The following SEMA3A variants were observed in gnomAD, a reference collection of about 807,000 sequenced individuals.
SEMA3A encodes the protein semaphorin-3A.
In SEMA3A, 29 loss-of-function variants were observed where a neutral mutation model predicts 97.9. The ratio of observed to expected loss-of-function variants is 0.30; its 90% CI spans 0.22 to 0.40. The LOEUF (loss-of-function observed/expected upper bound fraction) is 0.40, where lower values mean the gene tolerates loss of function less well. SEMA3A is among the 10% of genes least tolerant of loss of function. The pLI, the probability that SEMA3A is intolerant of heterozygous loss-of-function variation, is 1.00. For synonymous variants in SEMA3A, 321 were observed against 323.7 expected (o/e 0.99, Z 0.09); for missense variants, 763 against 951.3 (o/e 0.80, Z 2.60).
chr7:84,279,773 A>G (rs527397715), intron 3 of SEMA3A, among the ~76,000 whole-genome samples: 1 of 152,338 alleles, frequency 6.6e-6, no homozygotes, highest in South Asian at 2.1e-4. Flanking sequence ...AGTTAGTCAA[A>G]TACCTAATAG....
At chr7:84,099,029 A>C (rs1393979445) in intron 4 of SEMA3A, among the ~76,000 whole-genome samples, 1 of 151,872 alleles carries the variant, frequency 6.6e-6, no homozygotes, top group East Asian at 1.9e-4. Flanking sequence ...GATAAATTGG[A>C]TAGAATAACC....
At chr7:83,995,171 C>T (rs6964605) in intron 12 of SEMA3A, among the ~76,000 whole-genome samples, 6,900 of 152,224 alleles carry the variant, frequency 0.045, 516 homozygotes, top group African/African-American at 0.16. Flanking sequence ...CACCCTGCTT[C>T]GGCTCGCGCA....
chr7:83,970,270 A>G (rs1044777923), intron 15 of SEMA3A, among the ~76,000 whole-genome samples: 6 of 152,200 alleles, frequency 3.9e-5, no homozygotes, highest in African/African-American at 1.4e-4. Context: ...AAATGAAATG[A>G]AGCTAATAAA....
At position 84,164,212 on chromosome 7, in the gene SEMA3A, CT is replaced by C. The variant is rs567905685; in HGVS notation, c.113-29262del. Among the ~76,000 whole-genome samples, 19 of 152,190 alleles carry C rather than the reference CT, an allele frequency of 1.2e-4. No homozygotes were observed. In the South Asian group the frequency reaches 3.7e-3, roughly 30 times the overall value. ...AAGGTAAATAATTATTTTTAAAATA[CT>C]TGAATAAATCTTGGGAACCATTTTC... On this transcript the variant is annotated intron_variant, in intron 1 of 16. Transcript: ENST00000265362.
chr7:84,367,426 T>C lies in SEMA3A; in HGVS notation c.-169+4398A>G, dbSNP rs557548580. 2.6e-5 allele frequency among the ~76,000 whole-genome samples: 4 copies of C among 151,356 alleles called. No individual in the cohort carries two copies. In the East Asian group the frequency reaches 7.8e-4, roughly 29 times the overall value. On this transcript the variant is annotated intron_variant, in intron 2 of 3. Transcript: ENST00000424555. The stretch of plus-strand genomic sequence containing the variant: ...ATCCTAAATATATTTAAAGAGCTAA[T>C]GTATGTGCATAATTAAAATACCGCT...
chr7:84,075,178 T>C (rs903425618), intron 4 of SEMA3A, among the ~76,000 whole-genome samples: 2 of 126,898 alleles, frequency 1.6e-5, no homozygotes, highest in Non-Finnish European at 3.4e-5. Context: ...GACTTCAACT[T>C]TTTTTTTTTT....
At chr7:84,259,462 T>G (rs2115652589) in intron 3 of SEMA3A, among the ~76,000 whole-genome samples, 1 of 152,178 alleles carries the variant, frequency 6.6e-6, no homozygotes, top group African/African-American at 2.4e-5. Flanking sequence ...ATACATATAT[T>G]TGTCCATGAG....
intron 1 of SEMA3A, among the ~76,000 whole-genome samples, chr7:84,413,679 T>C (rs1804344180): frequency 6.6e-6 from 1 of 151,898 alleles, no homozygotes; most frequent in Admixed American, 6.6e-5. Context: ...TTAGTAGTAG[T>C]AGTAGAAGTA....
At chr7:84,375,979 A>G (rs1176734780) in intron 1 of SEMA3A, among the ~76,000 whole-genome samples, 1 of 152,130 alleles carries the variant, frequency 6.6e-6, no homozygotes, top group African/African-American at 2.4e-5. Flanking sequence ...CACTTAACAT[A>G]AGGACCTCCA....
At chr7:84,020,540 A>C (rs1791290413) in intron 6 of SEMA3A, among the ~76,000 whole-genome samples, 1 of 152,054 alleles carries the variant, frequency 6.6e-6, no homozygotes, top group African/African-American at 2.4e-5. Context: ...TTTATAAGAA[A>C]TATCTTAAGT....
At chr7:84,325,339 A>C (rs1398046595) in intron 2 of SEMA3A, among the ~76,000 whole-genome samples, 2 of 152,114 alleles carry the variant, frequency 1.3e-5, no homozygotes, top group Admixed American at 6.6e-5. Flanking sequence ...ATACTACCGA[A>C]GTGAGGCAAA....
intron 6 of SEMA3A, among the ~76,000 whole-genome samples, chr7:84,029,519 T>C (rs1791662202): frequency 6.6e-6 from 1 of 152,210 alleles, no homozygotes; most frequent in Non-Finnish European, 1.5e-5. Flanking sequence ...TATTTGGTTA[T>C]TTATTCCTTC....
intron 1 of SEMA3A, among the ~76,000 whole-genome samples, chr7:84,404,472 A>C (rs1804010289): frequency 6.6e-6 from 1 of 152,236 alleles, no homozygotes; most frequent in Non-Finnish European, 1.5e-5. Context: ...AACACTCTGC[A>C]GGATATTATC....
intron 4 of SEMA3A, among the ~76,000 whole-genome samples, chr7:84,082,866 G>C (rs1211145676): frequency 1.3e-5 from 2 of 151,980 alleles, no homozygotes; most frequent in South Asian, 2.1e-4. Flanking sequence ...ACCTAAAAAT[G>C]CACATATTCA....
At chr7:84,249,580 T>C (rs1288696899) in intron 3 of SEMA3A, among the ~76,000 whole-genome samples, 1 of 151,698 alleles carries the variant, frequency 6.6e-6, no homozygotes, top group Non-Finnish European at 1.5e-5. Flanking sequence ...TTGTTTATAG[T>C]GCTAAAAATG....
intron 3 of SEMA3A, among the ~76,000 whole-genome samples, chr7:84,266,313 C>CAAAAAAAAAAAAA (rs57809084): frequency 1.4e-5 from 1 of 70,482 alleles, no homozygotes; most frequent in Non-Finnish European, 2.5e-5. Flanking sequence ...GATTTGGTCT[C>CAAAAAAAAAAAAA]AAAAAAAAAA....
chr7:84,023,095 G>A (rs985759575), intron 6 of SEMA3A, among the ~76,000 whole-genome samples: 1 of 152,168 alleles, frequency 6.6e-6, no homozygotes, highest in Admixed American at 6.5e-5. Context: ...CCTGCCACTT[G>A]TAACAGTACC....
intron 4 of SEMA3A, among the ~76,000 whole-genome samples, chr7:84,107,560 A>G (rs1383949388): frequency 2.0e-5 from 3 of 152,156 alleles, no homozygotes; most frequent in African/African-American, 7.2e-5. Context: ...GTCTCAGGAA[A>G]ATACTTGCAT....
intron 3 of SEMA3A, among the ~76,000 whole-genome samples, chr7:84,237,602 G>T (rs917050522): frequency 2.0e-5 from 3 of 151,964 alleles, no homozygotes; most frequent in Non-Finnish European, 4.4e-5. Flanking sequence ...TACTATTATT[G>T]TCTTTATTAT....
Sources: gnomAD v4.1 joint callset for allele counts (sites outside exome capture counted in the v4.1 genomes callset) on GRCh38, gnomAD v4.1.1 for gene constraint, MANE v1.5 for transcripts, NCBI Gene and HGNC (gene_info 2026-07-23, HGNC 2026-07-21) for gene names.